The following ZNF398 variants were observed in gnomAD, a reference collection of about 807,000 sequenced individuals.
ZNF398 encodes the protein zinc finger DNA binding protein ZER6.
Under a neutral mutation model 41.9 loss-of-function variants are expected in ZNF398, and 18 were observed. That is an observed-to-expected ratio of 0.43 (90% CI 0.30 to 0.64). ZNF398 has a LOEUF of 0.64. Among genes scored for constraint, ZNF398 ranks in the 30% least tolerant of loss-of-function variants. ZNF398 has a pLI of 0.14. For missense variants in ZNF398, 669 were observed against 822.8 expected (o/e 0.81, Z 2.29); for synonymous variants, 260 against 308.8 (o/e 0.84, Z 1.66).
Position 149,176,549 on chromosome 7 carries a change from A to T in ZNF398, c.743A>T (p.Lys248Met). ...EPQVGAPPES[K>M]ESDVYKSTYA... ...CAGGTTGGGGCCCCACCGGAGTCCAAGGAGAGTGACGTGTACAAAAGCACT... is the reference window on the plus strand; with the variant it reads ...CAGGTTGGGGCCCCACCGGAGTCCATGGAGAGTGACGTGTACAAAAGCACT... Residue 248 changes from lysine to methionine, a missense_variant, in exon 5 of 6, where the codon AAG becomes ATG. Around this residue, in one of 3 missense-constraint regions of ZNF398, gnomAD observed 290 missense variants for 292.9 expected, o/e 0.99. Coordinates refer to ENST00000475153, the MANE Select transcript of ZNF398 (RefSeq NM_170686.3). 6.2e-7 allele frequency: 1 copy of T among 1,612,160 alleles called. No individual in the cohort carries two copies.
chr7:149,129,253 T>C (rs963425599), intron 2 of ZNF398, among the ~76,000 whole-genome samples: 2 of 152,122 alleles, frequency 1.3e-5, no homozygotes, highest in South Asian at 4.1e-4. Context: ...TCTGGTGAGA[T>C]TTTTATAGTT....
chr7:149,159,072 G>A (rs1337839391), intron 2 of ZNF398, among the ~76,000 whole-genome samples: 7 of 149,420 alleles, frequency 4.7e-5, no homozygotes, highest in East Asian at 4.2e-4. Flanking sequence ...TCCACTTCCC[G>A]GGGTCAAACG....
chr7:149,159,757 C>G (rs1264769738), intron 2 of ZNF398, among the ~76,000 whole-genome samples: 1 of 151,572 alleles, frequency 6.6e-6, no homozygotes, highest in African/African-American at 2.4e-5. Flanking sequence ...GAGTCTCACT[C>G]TGTCTCTGTT....
rs1795538999 is a variant in ZNF398, at chr7:149,179,256, A to T, written c.1384A>T (p.Arg462Trp). The T allele has an allele frequency of 1.9e-6, 3 of 1,613,312 alleles. No individual in the cohort carries two copies. The highest frequency in any genetic ancestry group is 2.5e-6 in the Non-Finnish European group (3 of 1,180,002). Residue 462 changes from arginine (R) to tryptophan (W), a missense_variant, in exon 6 of 6, where the codon AGG (arginine) becomes TGG (tryptophan). Physicochemically the swap from Arg to Trp is moderately radical, Grantham distance 101. Coordinates refer to ENST00000475153, the MANE Select transcript of ZNF398 (RefSeq NM_170686.3). This position sits in a 1 kb window ranked among gnomAD's most constrained non-coding sequence, Gnocchi z 6.1. The part of the protein sequence containing the change: ...ERPFRCAQCG[R>W]SFSLKISLLL... ...GCCCTTCCGCTGTGCCCAGTGCGGCAGGAGCTTCAGCTTGAAAATCAGCCT... is the reference window on the plus strand; with the variant it reads ...GCCCTTCCGCTGTGCCCAGTGCGGCTGGAGCTTCAGCTTGAAAATCAGCCT...
upstream of ZNF398, among the ~76,000 whole-genome samples, chr7:149,143,404 T>C (rs1826866724): frequency 6.6e-6 from 1 of 152,232 alleles, no homozygotes; most frequent in Admixed American, 6.6e-5. Context: ...ATTTTTTACA[T>C]CATACATGCT....
At chr7:149,144,622 CTT>C (rs1304904859), upstream of ZNF398, among the ~76,000 whole-genome samples, 2 of 147,300 alleles carry the variant, frequency 1.4e-5, no homozygotes, top group Non-Finnish European at 3.0e-5. Context: ...GAGTTTCACT[CTT>C]GTTTCCCAGG....
exon 1 of ZNF398, chr7:149,126,432 G>C (rs1826478227): frequency 1.2e-6 from 1 of 815,408 alleles, no homozygotes; most frequent in Non-Finnish European, 1.8e-6. Flanking sequence ...CTCAGAGGAG[G>C]GGCCCGGGCA....
upstream of ZNF398, chr7:149,147,049 C>T (rs1826960211): frequency 6.6e-6 from 1 of 152,300 alleles, no homozygotes. This position sits in a 1 kb window ranked among gnomAD's most constrained non-coding sequence, Gnocchi z 5.6. Context: ...TTGTGCCTCT[C>T]CGTCACTCAT....
chr7:149,166,375 C>T (rs1795226495), intron 3 of ZNF398, 91 bp downstream of exon 3: 14 of 1,482,982 alleles, frequency 9.4e-6, no homozygotes, highest in Non-Finnish European at 1.1e-5. Flanking sequence ...CTCATTCTCA[C>T]TCTGTCTTCA....
intron 2 of ZNF398, among the ~76,000 whole-genome samples, chr7:149,132,534 G>A (rs1335835933): frequency 2.6e-5 from 4 of 152,024 alleles, no homozygotes; most frequent in South Asian, 2.1e-4. Flanking sequence ...AGAGGCACCC[G>A]TATGGGACCT....
chr7:149,169,472 GC>G (rs1251946443), intron 4 of ZNF398, among the ~76,000 whole-genome samples: 1 of 152,106 alleles, frequency 6.6e-6, no homozygotes, highest in East Asian at 1.9e-4. Context: ...TGGCTCTATT[GC>G]CCAGGCTAGA....
intron 2 of ZNF398, among the ~76,000 whole-genome samples, chr7:149,164,077 A>C (rs1297625109): frequency 6.6e-6 from 1 of 150,824 alleles, no homozygotes; most frequent in East Asian, 2.0e-4. Context: ...GCGTCACTGC[A>C]CTCCAGCCTG....
intron 1 of ZNF398, among the ~76,000 whole-genome samples, chr7:149,149,399 C>A (rs114780579): frequency 6.6e-6 from 1 of 151,808 alleles, no homozygotes; most frequent in African/African-American, 2.4e-5. Flanking sequence ...ACGCCCGGGT[C>A]CTTTTGTATT....
chr7:149,152,766 C>T (rs567037967), intron 1 of ZNF398, among the ~76,000 whole-genome samples: 2 of 151,678 alleles, frequency 1.3e-5, no homozygotes, highest in South Asian at 2.1e-4. Context: ...GATTTCTCCA[C>T]GTTGGTCAGG....
At chr7:149,127,630 T>C (rs1048159320) in intron 1 of ZNF398, among the ~76,000 whole-genome samples, 7 of 147,312 alleles carry the variant, frequency 4.8e-5, no homozygotes, top group African/African-American at 1.8e-4. Context: ...GTCGGGAGAG[T>C]GGCGTGAACC....
Position 149,147,804 on chromosome 7 carries a change from G to A in ZNF398, c.24+38G>A. On this transcript the variant is annotated intron_variant, in intron 1 of 5. Coordinates refer to ENST00000475153, the MANE Select transcript of ZNF398 (RefSeq NM_170686.3). This position sits in a 1 kb window ranked among gnomAD's most constrained non-coding sequence, Gnocchi z 5.6. ...GCGCGCGAGTGTTGTGAGCCCCCGA[G>A]ACCCAGACCCCGAGGGAGGAAGGCG... The A allele has an allele frequency of 7.3e-7, 1 of 1,363,756 alleles. No homozygotes were observed. Among genetic ancestry groups the A allele is most frequent in the Non-Finnish European group, 9.5e-7 (1 of 1,057,324 alleles). The allele number at this position is 1,363,756 out of a possible 1,614,324, so 84.5% of individuals were successfully genotyped here.
At chr7:149,166,384 C>A in intron 3 of ZNF398, 100 bp downstream of exon 3, 1 of 1,447,770 alleles carries the variant, frequency 6.9e-7, no homozygotes, top group Non-Finnish European at 9.5e-7. Context: ...ACTCTGTCTT[C>A]ACACACTTCA....
In ZNF398 at chr7:149,172,492, G is replaced by A. The variant is rs1316033558; in HGVS notation, c.662-3976G>A. 4.6e-5 allele frequency among the ~76,000 whole-genome samples: 7 copies of A among 151,684 alleles called. No homozygotes were observed. In the East Asian group the frequency reaches 1.4e-3, roughly 30 times the overall value. ...TAAATAATTGCCCCAAACTGCAAAA[G>A]TAGTAATGGTGGCAATTCAGATGTA... is the stretch of plus-strand genomic sequence containing the variant. On this transcript the variant is annotated intron_variant, in intron 4 of 5. Coordinates refer to ENST00000475153, the MANE Select transcript of ZNF398 (RefSeq NM_170686.3).
At chr7:149,127,569 T>C (rs1410995772) in intron 1 of ZNF398, among the ~76,000 whole-genome samples, 1 of 38,166 alleles carries the variant, frequency 2.6e-5, no homozygotes, top group African/African-American at 7.2e-5. Context: ...AAAAAAAAAA[T>C]AGCCGAGCGT....
Sources: gnomAD v4.1 joint callset for allele counts (sites outside exome capture counted in the v4.1 genomes callset) on GRCh38, gnomAD v4.1.1 for gene constraint, gnomAD v4.1.1 regional missense constraint, Gnocchi (gnomAD v3.1) non-coding constraint, MANE v1.5 for transcripts, NCBI Gene and HGNC (gene_info 2026-07-23, HGNC 2026-07-21) for gene names.